The following CDH13 variants were observed in gnomAD, a reference collection of about 807,000 sequenced individuals.
CDH13 encodes cadherin 13.
In CDH13, 24 loss-of-function variants were observed where a neutral mutation model predicts 63.8. The ratio of observed to expected loss-of-function variants is 0.38; its 90% CI spans 0.27 to 0.53. The LOEUF is 0.53. Among genes scored for constraint, CDH13 ranks in the 20% least tolerant of loss-of-function variants. The pLI, the probability that CDH13 is intolerant of heterozygous loss-of-function variation, is 0.85. For missense variants in CDH13, 1,049 were observed against 903.1 expected (o/e 1.16, Z -2.07); for synonymous variants, 503 against 355.3 (o/e 1.42, Z -4.67).
chr16:83,015,449 A>G (rs1914663121), intron 2 of CDH13, among the ~76,000 whole-genome samples: 1 of 151,498 alleles, frequency 6.6e-6, no homozygotes, highest in Non-Finnish European at 1.5e-5. Context: ...TTTCTGCCTG[A>G]TATCTTCCCA....
intron 1 of CDH13, among the ~76,000 whole-genome samples, chr16:82,832,748 A>C (rs536774041): frequency 2.2e-4 from 33 of 152,342 alleles, no homozygotes; most frequent in African/African-American, 7.7e-4. Context: ...TCAGCCTGGT[A>C]CAAATAACTG....
intron 6 of CDH13, among the ~76,000 whole-genome samples, chr16:83,448,325 A>T (rs1280184039): frequency 6.6e-6 from 1 of 152,166 alleles, no homozygotes; most frequent in African/African-American, 2.4e-5. Flanking sequence ...TGGTAGCTAG[A>T]CATATAAATG....
At chr16:83,232,430 C>T (rs1185522931) in intron 5 of CDH13, among the ~76,000 whole-genome samples, 2 of 151,688 alleles carry the variant, frequency 1.3e-5, no homozygotes, top group African/African-American at 2.4e-5. Flanking sequence ...GAGGCTGAGG[C>T]AGGAGAATCG....
At chr16:82,805,193 T>C (rs1169419802) in intron 1 of CDH13, among the ~76,000 whole-genome samples, 1 of 152,198 alleles carries the variant, frequency 6.6e-6, no homozygotes, top group Non-Finnish European at 1.5e-5. Context: ...CTAATAGGAC[T>C]GTGCTATGAT....
At chr16:82,726,990 A>C (rs2033132046) in intron 1 of CDH13, among the ~76,000 whole-genome samples, 1 of 152,130 alleles carries the variant, frequency 6.6e-6, no homozygotes, top group Admixed American at 6.6e-5. Flanking sequence ...AATTACTACA[A>C]AACTGCTTTT....
intron 6 of CDH13, among the ~76,000 whole-genome samples, chr16:83,445,227 G>T (rs1306235753): frequency 1.1e-5 from 1 of 87,458 alleles, no homozygotes; most frequent in Non-Finnish European, 3.1e-5. Flanking sequence ...AACTGAGGCT[G>T]CGAGAGTTTA....
intron 2 of CDH13, among the ~76,000 whole-genome samples, chr16:82,980,628 A>G (rs543974776): frequency 6.6e-6 from 1 of 152,328 alleles, no homozygotes; most frequent in East Asian, 1.9e-4. Context: ...AAGATAAGTT[A>G]TGGTCTCCGT....
chr16:83,138,788 G>T (rs1180118328), intron 4 of CDH13, among the ~76,000 whole-genome samples: 1 of 152,160 alleles, frequency 6.6e-6, no homozygotes, highest in East Asian at 1.9e-4. Flanking sequence ...GGGTGACAAA[G>T]AGGGAGGCTG....
intron 6 of CDH13, among the ~76,000 whole-genome samples, chr16:83,390,344 A>G (rs1232834572): frequency 6.6e-6 from 1 of 152,216 alleles, no homozygotes; most frequent in African/African-American, 2.4e-5. Context: ...TGCATATGCC[A>G]TAATTTACGT....
intron 10 of CDH13, among the ~76,000 whole-genome samples, chr16:83,702,169 C>T (rs566838131): frequency 7.2e-5 from 11 of 152,298 alleles, no homozygotes; most frequent in African/African-American, 1.4e-4. Context: ...AAAAATCTGA[C>T]GTATTCCAGA....
In CDH13 at chr16:83,446,529, T is replaced by C. The variant is rs1374311917; in HGVS notation, c.782-39948T>C. Among the ~76,000 whole-genome samples, 2 of 152,244 alleles carry C rather than the reference T, an allele frequency of 1.3e-5. 1 individual carries two copies. Among genetic ancestry groups the C allele is most frequent in the Admixed American group, 1.3e-4 (2 of 15,286 alleles). On this transcript the variant is annotated intron_variant, in intron 6 of 13. Transcript: ENST00000567109. ...AGAAGAAAGGACAGAAAATGAAAATTAGCAGGGTACAGAAGTCCATTCTGC... is the reference window on the plus strand; with the variant it reads ...AGAAGAAAGGACAGAAAATGAAAATCAGCAGGGTACAGAAGTCCATTCTGC...
At chr16:83,450,356 G>C (rs1384913210) in intron 6 of CDH13, among the ~76,000 whole-genome samples, 3 of 152,178 alleles carry the variant, frequency 2.0e-5, no homozygotes, top group Non-Finnish European at 4.4e-5. Flanking sequence ...CCAGCAACAA[G>C]TGACTCAGTC....
intron 5 of CDH13, among the ~76,000 whole-genome samples, chr16:83,331,520 G>A (rs548567909): frequency 2.6e-4 from 39 of 152,310 alleles, no homozygotes; most frequent in African/African-American, 7.9e-4. Context: ...TAGTCAGTGT[G>A]TAGTCACTGC....
chr16:83,586,472 C>T (rs1216306867), intron 7 of CDH13, among the ~76,000 whole-genome samples: 3 of 152,186 alleles, frequency 2.0e-5, no homozygotes, highest in Non-Finnish European at 2.9e-5. Flanking sequence ...GAAGAGCACA[C>T]TTGTCTTTAT....
chr16:83,684,316 C>T (rs756794230), intron 10 of CDH13, among the ~76,000 whole-genome samples: 5 of 151,798 alleles, frequency 3.3e-5, no homozygotes, highest in Non-Finnish European at 5.9e-5. Context: ...GCAGAAGTTA[C>T]AGTGAGCAGA....
Position 83,799,215 on chromosome 16 carries a change from A to C in CDH13, c.*4185A>C, listed in dbSNP as rs918163027. 6.7e-6 allele frequency: 1 copy of C among 149,304 alleles called. No individual in the cohort carries two copies. The highest frequency in any genetic ancestry group is 2.5e-5 in the African/African-American group (1 of 40,732). 9.2% of individuals were successfully genotyped at this position (149,304 alleles called of 1,614,324 possible). A position where few individuals can be genotyped will look rare whatever the true frequency, so the allele number is the denominator to read the frequency against. ...GAAACCCCAGCTACTCAGGAGGCTG[A>C]GGCAGGAGAATCGCTTGAACCCAGG... On this transcript the variant is annotated 3_prime_UTR_variant, in exon 14 of 14. Coordinates refer to ENST00000567109, the MANE Select transcript of CDH13 (RefSeq NM_001257.5).
intron 10 of CDH13, among the ~76,000 whole-genome samples, chr16:83,697,358 T>C (rs1317612552): frequency 6.6e-6 from 1 of 152,232 alleles, no homozygotes; most frequent in African/African-American, 2.4e-5. Flanking sequence ...GCACGTTTTG[T>C]TCGCAATTTT....
At chr16:83,148,347 C>T (rs183145713) in intron 4 of CDH13, among the ~76,000 whole-genome samples, 1 of 149,634 alleles carries the variant, frequency 6.7e-6, no homozygotes, top group African/African-American at 2.6e-5. Context: ...ACCATGTAGA[C>T]AACATGTAGA....
At chr16:83,070,050 T>C (rs2032320195) in intron 3 of CDH13, among the ~76,000 whole-genome samples, 1 of 152,162 alleles carries the variant, frequency 6.6e-6, no homozygotes, top group Non-Finnish European at 1.5e-5. Flanking sequence ...AGGCACTTGA[T>C]GCTTCTCTAG....
Sources: allele counts gnomAD v4.1 joint callset (sites outside exome capture counted in the v4.1 genomes callset), GRCh38; gene constraint gnomAD v4.1.1; transcripts MANE v1.5; gene names NCBI Gene and HGNC (gene_info 2026-07-23, HGNC 2026-07-21).